The following UBE2D2 variants were observed in gnomAD, a reference collection of about 807,000 sequenced individuals.
UBE2D2 encodes ubiquitin conjugating enzyme E2 D2.
In UBE2D2, 2 loss-of-function variants were observed where a neutral mutation model predicts 24.2. The observed-to-expected ratio is 0.08, with a 90% confidence interval of 0.03 to 0.26. The LOEUF (loss-of-function observed/expected upper bound fraction) is 0.26. UBE2D2 is among the 10% of genes least tolerant of loss of function. The pLI is 1.00. For synonymous variants in UBE2D2, 58 were observed against 56.5 expected (o/e 1.03, Z -0.12); for missense variants, 44 against 177.6 (o/e 0.25, Z 4.28).
At chr5:139,582,942 T>C (rs1753638629) in intron 1 of UBE2D2, among the ~76,000 whole-genome samples, 1 of 151,802 alleles carries the variant, frequency 6.6e-6, no homozygotes, top group Non-Finnish European at 1.5e-5. Flanking sequence ...AGTGCTGGGA[T>C]TACAGGCGTG....
intron 1 of UBE2D2, among the ~76,000 whole-genome samples, chr5:139,578,019 C>T (rs1354139379): frequency 1.3e-5 from 2 of 152,138 alleles, no homozygotes; most frequent in Non-Finnish European, 2.9e-5. Flanking sequence ...TCCTTTGAAG[C>T]CTAGTGAGGG....
At chr5:139,547,425 A>G (rs1752848293) in intron 1 of UBE2D2, among the ~76,000 whole-genome samples, 1 of 152,162 alleles carries the variant, frequency 6.6e-6, no homozygotes, top group Admixed American at 6.6e-5. Context: ...CATATTGGCC[A>G]GGATGGTCTC....
intron 1 of UBE2D2, among the ~76,000 whole-genome samples, chr5:139,538,030 G>C (rs1040996566): frequency 3.3e-5 from 5 of 151,214 alleles, no homozygotes; most frequent in Non-Finnish European, 5.9e-5. Flanking sequence ...TTTTTTGTTT[G>C]TTTGTTTGTT....
chr5:139,537,054 A>G (rs1036246595), intron 1 of UBE2D2, among the ~76,000 whole-genome samples: 6 of 151,842 alleles, frequency 4.0e-5, no homozygotes, highest in Admixed American at 2.0e-4. Context: ...ATGGTGGCGG[A>G]TGCCTGTAGT....
chr5:139,570,660 T>G (rs1194089887), intron 1 of UBE2D2, among the ~76,000 whole-genome samples: 1 of 152,122 alleles, frequency 6.6e-6, no homozygotes, highest in East Asian at 1.9e-4. Context: ...TACAGGCGCG[T>G]GCCATGATGC....
At chr5:139,548,193 A>AAAAAATAAATAAATAAATAAAT in intron 1 of UBE2D2, among the ~76,000 whole-genome samples, 4 of 47,102 alleles carry the variant, frequency 8.5e-5, no homozygotes, top group Admixed American at 2.4e-4. Context: ...ATAAAAAAAA[A>AAAAAATAAATAAATAAATAAAT]AAATAAATAA....
Position 139,548,193 on chromosome 5 carries a change from A to AAAAAT in UBE2D2, c.-64+21584_-64+21585insATAAA. On this transcript the variant is annotated intron_variant, in intron 1 of 6. Transcript: ENST00000511725. ...AAAAAAAAAAAAAAAATAAAAAAAA[A>AAAAAT]AAATAAATAAATAAATAAATAAACG... 1.6e-3 allele frequency among the ~76,000 whole-genome samples: 77 copies of AAAAAT among 47,044 alleles called. 1 individual carries two copies. The highest frequency in any genetic ancestry group is 2.1e-3 in the Non-Finnish European group (55 of 26,328). 30.9% of individuals were successfully genotyped at this position (47,044 alleles called of 152,430 possible).
intron 5 of UBE2D2, among the ~76,000 whole-genome samples, chr5:139,622,761 G>A (rs1167390886): frequency 6.6e-6 from 1 of 150,566 alleles, no homozygotes; most frequent in East Asian, 2.0e-4. Flanking sequence ...GTGGTGGCGG[G>A]TGCCTGTAGT....
intron 2 of UBE2D2, among the ~76,000 whole-genome samples, chr5:139,604,349 G>T (rs192432174): frequency 3.2e-4 from 49 of 151,968 alleles, no homozygotes; most frequent in Admixed American, 2.1e-3. Flanking sequence ...TGTTGGCCAG[G>T]CTGGTCTTGA....
chr5:139,625,979 A>C (rs1754618559), intron 6 of UBE2D2, among the ~76,000 whole-genome samples: 1 of 152,146 alleles, frequency 6.6e-6, no homozygotes, highest in Non-Finnish European at 1.5e-5. Flanking sequence ...CTTCTGAAGC[A>C]ATAAACCCAT....
chr5:139,554,336 T>C (rs1182270755), intron 1 of UBE2D2, among the ~76,000 whole-genome samples: 1 of 152,210 alleles, frequency 6.6e-6, no homozygotes, highest in South Asian at 2.1e-4. Context: ...GCCAGGGCTC[T>C]GACTCTTTCC....
At chr5:139,592,028 G>A (rs1463743079) in intron 1 of UBE2D2, among the ~76,000 whole-genome samples, 5 of 151,936 alleles carry the variant, frequency 3.3e-5, no homozygotes, top group Non-Finnish European at 4.4e-5. Context: ...GTGGTGAAAC[G>A]CCATCTCTAC....
At chr5:139,599,123 T>C (rs912271795) in intron 1 of UBE2D2, among the ~76,000 whole-genome samples, 2 of 151,084 alleles carry the variant, frequency 1.3e-5, no homozygotes, top group African/African-American at 4.9e-5. Flanking sequence ...AGAAATGGGG[T>C]TTTACCATGT....
At chr5:139,599,283 G>A (rs1275888106) in intron 1 of UBE2D2, among the ~76,000 whole-genome samples, 4 of 151,820 alleles carry the variant, frequency 2.6e-5, no homozygotes, top group Non-Finnish European at 4.4e-5. Context: ...CCCTGGTAGT[G>A]GACTTCCACT....
In UBE2D2 at chr5:139,619,834, G is replaced by T. The variant is rs193138355; in HGVS notation, c.305-3534G>T. Reference sequence around the variant, plus strand: ...GCTGGGATCGCGCCATTGCACTCCAGCCTGGGCAACAAGAGTGAAACTCCG... The same window carrying T: ...GCTGGGATCGCGCCATTGCACTCCATCCTGGGCAACAAGAGTGAAACTCCG... On this transcript the variant is annotated intron_variant, in intron 5 of 6. Transcript: ENST00000398733. Among the ~76,000 whole-genome samples the T allele has an allele frequency of 4.2e-4, 64 of 152,066 alleles. No homozygotes were observed. In the East Asian group the frequency reaches 9.4e-3, roughly 22 times the overall value.
chr5:139,532,188 TG>T (rs1554075339), intron 1 of UBE2D2, among the ~76,000 whole-genome samples: 1 of 149,976 alleles, frequency 6.7e-6, no homozygotes, highest in African/African-American at 2.5e-5. Context: ...TTTTTTTTTT[TG>T]GGGGGGACAG....
At chr5:139,615,312 G>T (rs186807398) in intron 5 of UBE2D2, among the ~76,000 whole-genome samples, 1 of 152,026 alleles carries the variant, frequency 6.6e-6, no homozygotes, top group Non-Finnish European at 1.5e-5. Context: ...GTGAAACCCC[G>T]TCTCTACTAA....
In UBE2D2 at chr5:139,561,396, A is replaced by T; in HGVS notation, c.-396A>T. 5.7e-6 allele frequency: 1 copy of T among 174,164 alleles called. No individual in the cohort carries two copies. The highest frequency in any genetic ancestry group is 1.2e-5 in the Non-Finnish European group (1 of 82,466). The allele number at this position is 174,164 out of a possible 1,614,324, so 10.8% of individuals were successfully genotyped here. ...GCGCGTCCCTCGGTCCACCTGCAGCAGGGAGGAAGACAGGCAATCCCTCCG... is the reference window on the plus strand; with the variant it reads ...GCGCGTCCCTCGGTCCACCTGCAGCTGGGAGGAAGACAGGCAATCCCTCCG... On this transcript the variant is annotated 5_prime_UTR_variant, in exon 1 of 7. Transcript: ENST00000398733.
intron 5 of UBE2D2, among the ~76,000 whole-genome samples, chr5:139,622,445 A>G (rs1222037207): frequency 1.3e-5 from 2 of 150,326 alleles, no homozygotes; most frequent in Admixed American, 6.6e-5. Context: ...GGGTTTTACC[A>G]TGTTGGCCAG....
Sources: gnomAD v4.1 joint callset for allele counts (sites outside exome capture counted in the v4.1 genomes callset) on GRCh38, gnomAD v4.1.1 for gene constraint, MANE v1.5 for transcripts, NCBI Gene and HGNC (gene_info 2026-07-23, HGNC 2026-07-21) for gene names.